BLTP1: variants seen among roughly 807,000 people sequenced by gnomAD.
BLTP1 encodes fragile site-associated protein.
the BLTP1 span, chr4:122,281,619 C>G: frequency 5.0e-6 from 8 of 1,613,056 alleles, no homozygotes; most frequent in Non-Finnish European, 6.8e-6. Context: ...CCTGTTGAAA[C>G]AAATGAATTT....
At chr4:122,331,159 G>A in the BLTP1 span, 2 of 930,898 alleles carry the variant, frequency 2.1e-6, no homozygotes, top group Admixed American at 6.2e-5. Context: ...TAGTTATTCA[G>A]TACATAGTAG....
the BLTP1 span, chr4:122,200,089 T>A: frequency 1.3e-5 from 12 of 947,012 alleles, no homozygotes; most frequent in Non-Finnish European, 1.4e-5. Flanking sequence ...GGTTCTTAAT[T>A]TCTTGTCTTA....
At chr4:122,234,822 A>C in the BLTP1 span, 2 of 1,613,514 alleles carry the variant, frequency 1.2e-6, no homozygotes, top group Non-Finnish European at 1.7e-6. Context: ...GAGGTGTAGA[A>C]ACAAATGTGG....
the BLTP1 span, among the ~76,000 whole-genome samples, chr4:122,196,144 T>C: frequency 6.6e-6 from 1 of 152,330 alleles, no homozygotes; most frequent in East Asian, 1.9e-4. Context: ...ATTATGAAAC[T>C]GATAGAAATA....
chr4:122,351,554 T>A, the BLTP1 span, among the ~76,000 whole-genome samples: 1 of 152,298 alleles, frequency 6.6e-6, no homozygotes, highest in South Asian at 2.1e-4. Flanking sequence ...TTAAATATGG[T>A]TATGTTCCTT....
At chr4:122,250,728 G>T in the BLTP1 span, among the ~76,000 whole-genome samples, 2 of 152,070 alleles carry the variant, frequency 1.3e-5, no homozygotes, top group African/African-American at 4.8e-5. Flanking sequence ...AAAGTGTGTT[G>T]GTGAATATAC....
chr4:122,206,142 AAT>A, the BLTP1 span: 11 of 856,162 alleles, frequency 1.3e-5, no homozygotes, highest in Non-Finnish European at 1.5e-5. Flanking sequence ...GATTGATTAT[AAT>A]TCTAAGAAAG....
chr4:122,206,705 G>A, the BLTP1 span, among the ~76,000 whole-genome samples: 6 of 151,622 alleles, frequency 4.0e-5, no homozygotes, highest in South Asian at 4.1e-4. Flanking sequence ...GAAATAACAC[G>A]GAAAAATATT....
chr4:122,152,912 A>AC, the BLTP1 span: 1 of 826,744 alleles, frequency 1.2e-6, no homozygotes. Flanking sequence ...GCAGGCTCGG[A>AC]CTGCAGCCTT....
the BLTP1 span, among the ~76,000 whole-genome samples, chr4:122,285,050 T>C: frequency 2.0e-5 from 3 of 152,286 alleles, no homozygotes; most frequent in East Asian, 1.9e-4. Flanking sequence ...GAGTCAGAAG[T>C]CTTAGGCCTT....
chr4:122,200,528 C>T, the BLTP1 span: 9 of 921,714 alleles, frequency 9.8e-6, no homozygotes, highest in East Asian at 1.3e-4. Flanking sequence ...TGCAGTGAGG[C>T]GAGATGTGTC....
the BLTP1 span, chr4:122,343,471 G>A: frequency 1.2e-6 from 2 of 1,614,038 alleles, no homozygotes; most frequent in Non-Finnish European, 1.7e-6. Flanking sequence ...AGTCAGACCT[G>A]ACCAGTTCCA....
At chr4:122,354,666 TTTC>T in the BLTP1 span, among the ~76,000 whole-genome samples, 1 of 150,914 alleles carries the variant, frequency 6.6e-6, no homozygotes, top group East Asian at 1.9e-4. Flanking sequence ...CCTTTTTTCT[TTTC>T]TTTTTTTTTT....
At chr4:122,263,222 G>A in the BLTP1 span, 1 of 984,960 alleles carries the variant, frequency 1.0e-6, no homozygotes, top group Non-Finnish European at 1.2e-6. Flanking sequence ...TTTGGTGTGG[G>A]GTACTGTCTA....
chr4:122,197,141 TG>T, the BLTP1 span: 1 of 816,160 alleles, frequency 1.2e-6, no homozygotes, highest in Non-Finnish European at 1.9e-6. Flanking sequence ...AAAGTAAAGA[TG>T]GGAGAATAAT....
chr4:122,289,916 A>G, the BLTP1 span: 10 of 361,430 alleles, frequency 2.8e-5, no homozygotes, highest in Non-Finnish European at 3.8e-5. Context: ...GTCATAGGAA[A>G]AACTACTGTA....
At chr4:122,286,477 A>G in the BLTP1 span, 1 of 1,585,772 alleles carries the variant, frequency 6.3e-7, no homozygotes, top group Non-Finnish European at 8.6e-7. Context: ...CTTTTTGGAA[A>G]AAGTGAGGAA....
chr4:122,349,435 T>C, the BLTP1 span: 3 of 1,566,648 alleles, frequency 1.9e-6, no homozygotes, highest in Non-Finnish European at 8.7e-7. The surrounding 1 kb of genome is among the most constrained non-coding windows in gnomAD (Gnocchi z 4.5). Context: ...AAATTAATTA[T>C]TGTTTCTATT....
At chr4:122,275,790 A>G in the BLTP1 span, 10 of 268,218 alleles carry the variant, frequency 3.7e-5, no homozygotes, top group South Asian at 1.4e-4. Flanking sequence ...TTCATTTTCA[A>G]TTGCAATGAA....
Sources: allele counts gnomAD v4.1 joint callset (sites outside exome capture counted in the v4.1 genomes callset), GRCh38; gene constraint gnomAD v4.1.1; non-coding constraint Gnocchi (gnomAD v3.1); transcripts MANE v1.5; gene names NCBI Gene and HGNC (gene_info 2026-07-23, HGNC 2026-07-21).